ROBO2: variants seen among roughly 807,000 people sequenced by gnomAD.
ROBO2 encodes the protein roundabout homolog 2.
A neutral mutation model predicts 160.8 loss-of-function variants in ROBO2; 53 were observed. The ratio of observed to expected loss-of-function variants is 0.33; its 90% CI spans 0.26 to 0.41. The LOEUF (loss-of-function observed/expected upper bound fraction) is 0.41. Among genes scored for constraint, ROBO2 ranks in the 10% least tolerant of loss-of-function variants. The pLI, the probability that ROBO2 is intolerant of heterozygous loss-of-function variation, is 1.00. For synonymous variants in ROBO2, 664 were observed against 611.7 expected, an observed-to-expected ratio of 1.09 and a Z score of -1.26; for missense variants, 1,577 against 1,722.4, an observed-to-expected ratio of 0.92 and a Z score of 1.49.
intron 1 of ROBO2, among the ~76,000 whole-genome samples, chr3:77,083,534 G>T (rs1004376052): frequency 2.0e-5 from 3 of 152,080 alleles, no homozygotes; most frequent in Non-Finnish European, 4.4e-5. Flanking sequence ...TGAGGAAAGG[G>T]AAAGAACATA....
intron 20 of ROBO2, among the ~76,000 whole-genome samples, chr3:77,604,772 A>T (rs1189903251): frequency 6.6e-6 from 1 of 152,184 alleles, no homozygotes; most frequent in Non-Finnish European, 1.5e-5. Flanking sequence ...CCTTGTGGAT[A>T]ACTAATCATA....
intron 1 of ROBO2, among the ~76,000 whole-genome samples, chr3:77,076,935 A>T (rs1037186652): frequency 6.6e-6 from 1 of 152,210 alleles, no homozygotes; most frequent in Non-Finnish European, 1.5e-5. Flanking sequence ...AAGGGATTAG[A>T]TAAAGGGAAC....
intron 2 of ROBO2, among the ~76,000 whole-genome samples, chr3:77,009,002 G>A (rs2061727048): frequency 6.6e-6 from 1 of 152,214 alleles, no homozygotes; most frequent in East Asian, 1.9e-4. Flanking sequence ...TTATGATACA[G>A]ATATTATAAT....
chr3:76,448,404 A>C (rs1480286411), intron 2 of ROBO2, among the ~76,000 whole-genome samples: 2 of 152,126 alleles, frequency 1.3e-5, no homozygotes, highest in Non-Finnish European at 2.9e-5. Context: ...CCTGGGAGGA[A>C]AAGGTATGTC....
intron 6 of ROBO2, among the ~76,000 whole-genome samples, chr3:77,540,584 G>T (rs1006889244): frequency 2.0e-5 from 3 of 151,796 alleles, no homozygotes; most frequent in Non-Finnish European, 2.9e-5. Flanking sequence ...GTGGGGGCGC[G>T]CAGGGGGAGG....
In ROBO2 at chr3:77,588,845, T is replaced by C; in HGVS notation, c.2595T>C (p.Ile865=). Reference sequence around the variant, plus strand: ...AGCAACCAGCCTTTATAGCTGGTATTGGTGGTGCCTGCTGGGTAATTCTGA... The same window carrying C: ...AGCAACCAGCCTTTATAGCTGGTATCGGTGGTGCCTGCTGGGTAATTCTGA... Residue 865 remains isoleucine, a synonymous_variant, in exon 17 of 26, where the codon ATT becomes ATC. Coordinates refer to ENST00000461745, the Ensembl canonical transcript of ROBO2. The C allele has an allele frequency of 1.9e-6, 3 of 1,613,624 alleles. No homozygotes were observed. In the South Asian group the frequency reaches 3.3e-5, roughly 18 times the overall value.
intron 2 of ROBO2, among the ~76,000 whole-genome samples, chr3:76,729,526 G>T (rs1012076241): frequency 6.6e-6 from 1 of 151,740 alleles, no homozygotes; most frequent in African/African-American, 2.4e-5. Context: ...GGAATTGGAA[G>T]GTTTGGTATG....
At chr3:77,037,936 A>G (rs375715863), upstream of ROBO2, among the ~76,000 whole-genome samples, 22 of 152,296 alleles carry the variant, frequency 1.4e-4, no homozygotes, top group African/African-American at 4.1e-4. Flanking sequence ...GCGTAAGGAA[A>G]TTTGCCCGAG....
chr3:76,696,483 G>T (rs754274236), intron 2 of ROBO2, among the ~76,000 whole-genome samples: 4 of 151,682 alleles, frequency 2.6e-5, no homozygotes, highest in Non-Finnish European at 5.9e-5. Context: ...TCGAATGCCT[G>T]GGTTTATATC....
At chr3:76,790,919 T>C (rs2063313898) in intron 2 of ROBO2, among the ~76,000 whole-genome samples, 1 of 151,726 alleles carries the variant, frequency 6.6e-6, no homozygotes. Flanking sequence ...TTTCTTTATT[T>C]TCTTCTTTAG....
At chr3:76,768,403 G>A (rs1376260795) in intron 2 of ROBO2, among the ~76,000 whole-genome samples, 1 of 151,212 alleles carries the variant, frequency 6.6e-6, no homozygotes, top group Middle Eastern at 3.2e-3. Context: ...CAAAGACTCC[G>A]GAGTTTTGCC....
intron 2 of ROBO2, among the ~76,000 whole-genome samples, chr3:76,791,163 T>C (rs1008503526): frequency 4.6e-5 from 7 of 151,778 alleles, no homozygotes; most frequent in Non-Finnish European, 1.0e-4. Context: ...ATAGTTGGAA[T>C]GACTTGGAGT....
rs80296766 is a variant in ROBO2, at chr3:76,055,506, C to G, written c.109+117904C>G. 8.1e-3 allele frequency among the ~76,000 whole-genome samples: 1,233 copies of G among 152,140 alleles called. 65 individuals are homozygous for G. The East Asian group carries it at 0.15, about 19-fold the overall frequency. Reference sequence around the variant, plus strand: ...CCCTCATTCCCCTGTCGCCCTCCCCCCTTTTGGAGTTTTCAGTGTCTATTA... The same window carrying G: ...CCCTCATTCCCCTGTCGCCCTCCCCGCTTTTGGAGTTTTCAGTGTCTATTA... On this transcript the variant is annotated intron_variant, in intron 2 of 26. Transcript: ENST00000487694.
At chr3:77,118,958 C>T (rs1197812712) in intron 2 of ROBO2, among the ~76,000 whole-genome samples, 1 of 152,124 alleles carries the variant, frequency 6.6e-6, no homozygotes, top group Admixed American at 6.6e-5. Flanking sequence ...ACCCAAATCT[C>T]ATCTTGAGTT....
intron 2 of ROBO2, among the ~76,000 whole-genome samples, chr3:77,469,097 CA>C (rs1028067745): frequency 6.6e-6 from 1 of 152,158 alleles, no homozygotes; most frequent in Non-Finnish European, 1.5e-5. Context: ...CAATCTTTAT[CA>C]GTTGTTTAGT....
chr3:77,480,952 A>G, intron 3 of ROBO2, 147 bp from the exon 4 acceptor site: 1 of 664,436 alleles, frequency 1.5e-6, no homozygotes. Context: ...AAAAGAAAAC[A>G]TACCTGCAAA....
chr3:76,889,613 A>G (rs1325281234), intron 2 of ROBO2, among the ~76,000 whole-genome samples: 2 of 152,200 alleles, frequency 1.3e-5, no homozygotes, highest in East Asian at 1.9e-4. Context: ...TCGAATATAT[A>G]CTGTGTGCCA....
intron 1 of ROBO2, among the ~76,000 whole-genome samples, chr3:77,061,176 A>G (rs1329811146): frequency 1.3e-5 from 2 of 152,216 alleles, no homozygotes; most frequent in Admixed American, 1.3e-4. Context: ...ATATGTTCAT[A>G]CAAAGACATG....
At chr3:77,609,173 G>A (rs1196195662) in intron 21 of ROBO2, among the ~76,000 whole-genome samples, 1 of 151,846 alleles carries the variant, frequency 6.6e-6, no homozygotes, top group Non-Finnish European at 1.5e-5. Context: ...CTCTGAGACT[G>A]TAGCACTTAT....
Sources: gnomAD v4.1 joint callset for allele counts (sites outside exome capture counted in the v4.1 genomes callset) on GRCh38, gnomAD v4.1.1 for gene constraint, MANE v1.5 for transcripts, NCBI Gene and HGNC (gene_info 2026-07-23, HGNC 2026-07-21) for gene names.